The following ABL1 variants were observed in gnomAD, a reference collection of about 807,000 sequenced individuals.
The protein encoded by ABL1 is ABL proto-oncogene 1, non-receptor tyrosine kinase.
In ABL1, 11 loss-of-function variants were observed where a neutral mutation model predicts 94.7. The ratio of observed to expected loss-of-function variants is 0.12; its 90% confidence interval spans 0.07 to 0.19. The LOEUF (loss-of-function observed/expected upper bound fraction) is 0.19. ABL1 is among the 10% of genes least tolerant of loss of function. ABL1 has a pLI of 1.00. For synonymous variants in ABL1, 656 were observed against 622.4 expected (o/e 1.05, Z -0.80); for missense variants, 1,082 against 1,489.4 (o/e 0.73, Z 4.50).
At position 130,862,973 on chromosome 9, in the gene ABL1, G is replaced by A. The variant is rs1831099962; in HGVS notation, c.760G>A (p.Gly254Arg). The A allele has an allele frequency of 6.2e-7, 1 of 1,614,180 alleles. No individual in the cohort carries two copies. Among genetic ancestry groups the A allele is most frequent in the Non-Finnish European group, 8.5e-7 (1 of 1,180,024 alleles). ...MKHKLGGGQY[G>R]EVYEGVWKKY... is the part of the protein sequence containing the mutation. The stretch of plus-strand genomic sequence containing the variant: ...GCACAAGCTGGGCGGGGGCCAGTAC[G>A]GGGAGGTGTACGAGGGCGTGTGGAA... The change falls in exon 4 of 11, where the codon GGG (glycine) becomes AGG (arginine). Residue 254 changes from glycine to arginine, a missense_variant. Gly to Arg is a moderately radical substitution (Grantham distance 125). This residue lies in a region of ABL1 where 92 missense variants were observed against 212.3 expected (regional missense o/e 0.43). Transcript: ENST00000318560. This position sits in a 1 kb window ranked among gnomAD's most constrained non-coding sequence, Gnocchi z 5.5.
At chr9:130,776,041 C>T (rs78171958) in intron 1 of ABL1, among the ~76,000 whole-genome samples, 5 of 152,218 alleles carry the variant, frequency 3.3e-5, no homozygotes, top group South Asian at 2.1e-4. Context: ...GTCTCCAGCA[C>T]GGTCTCACAA....
intron 1 of ABL1, among the ~76,000 whole-genome samples, chr9:130,758,326 A>G (rs1832067906): frequency 1.3e-5 from 2 of 151,236 alleles, no homozygotes; most frequent in Admixed American, 1.3e-4. Flanking sequence ...ACGTCTGGCT[A>G]ATTTTTGTAT....
intron 1 of ABL1, among the ~76,000 whole-genome samples, chr9:130,780,352 G>T (rs1829740292): frequency 6.6e-6 from 1 of 152,116 alleles, no homozygotes; most frequent in African/African-American, 2.4e-5. Flanking sequence ...TTTTCCTCTG[G>T]CTTTTGGCTG....
rs1831265375 is a variant in ABL1, at chr9:130,872,313, T to C, written c.907+100T>C. On this transcript the variant is annotated intron_variant, in intron 5 of 10. Transcript: ENST00000318560. The surrounding 1 kb of genome is among the most constrained non-coding windows in gnomAD (Gnocchi z 5.0). ...CACGGGCGGCTCACTGCACAAAACC[T>C]CGTTGGAATATTTGTGCTCTGCCGA... 2.7e-6 allele frequency: 3 copies of C among 1,097,816 alleles called. No homozygotes were observed. The highest frequency in any genetic ancestry group is 4.0e-6 in the Non-Finnish European group (3 of 750,768). The allele number at this position is 1,097,816 out of a possible 1,614,324, so 68.0% of individuals were successfully genotyped here.
chr9:130,750,422 TCCCTCCCTCCCTCCCTC>T (rs1564278791), intron 1 of ABL1, among the ~76,000 whole-genome samples: 25,637 of 76,904 alleles, frequency 0.33, 4,210 homozygotes, highest in Middle Eastern at 0.51. Context: ...CCTCCCTCCC[TCCCTCCCTCCCTCCCTC>T]CCTCCCTCCT....
intron 1 of ABL1, among the ~76,000 whole-genome samples, chr9:130,717,370 C>G (rs1342874503): frequency 1.3e-5 from 2 of 151,880 alleles, no homozygotes; most frequent in Non-Finnish European, 1.5e-5. Context: ...ATGATCAATG[C>G]ATGATATAAA....
intron 1 of ABL1, among the ~76,000 whole-genome samples, chr9:130,735,983 T>G: frequency 1.5e-5 from 2 of 135,818 alleles, no homozygotes; most frequent in Admixed American, 7.8e-5. Context: ...TAAGACAGGG[T>G]CTGGCTCTGT....
chr9:130,750,213 A>ATC (rs2132726048), intron 1 of ABL1, among the ~76,000 whole-genome samples: 1 of 123,430 alleles, frequency 8.1e-6, no homozygotes, highest in South Asian at 2.5e-4. Context: ...ATATATATAT[A>ATC]TATATATATA....
At position 130,835,424 on chromosome 9, in the gene ABL1, C is replaced by A; in HGVS notation, c.-23C>A. ...ACCGAGCTGGGAGAGGGGTTCCGGCCCCCGACGTGCTGGCGCGGGAAAATG... is the reference window on the plus strand; with the variant it reads ...ACCGAGCTGGGAGAGGGGTTCCGGCACCCGACGTGCTGGCGCGGGAAAATG... On this transcript the variant is annotated 5_prime_UTR_variant, in exon 1 of 11. Transcript: ENST00000318560. This position sits in a 1 kb window ranked among gnomAD's most constrained non-coding sequence, Gnocchi z 4.6. The A allele has an allele frequency of 7.4e-7, 1 of 1,358,554 alleles. No individual in the cohort carries two copies. Among genetic ancestry groups the A allele is most frequent in the African/African-American group, 3.3e-5 (1 of 30,574 alleles). 84.2% of individuals were successfully genotyped at this position (1,358,554 alleles called of 1,614,324 possible). A position where few individuals can be genotyped will look rare whatever the true frequency, so the allele number is the denominator to read the frequency against.
Position 130,812,348 on chromosome 9 carries a change from C to T in ABL1, c.137-41716C>T, listed in dbSNP as rs528932934. Among the ~76,000 whole-genome samples the T allele has an allele frequency of 1.2e-3, 188 of 150,942 alleles. 2 individuals carry two copies. The highest frequency in any genetic ancestry group is 4.5e-3 in the African/African-American group (183 of 41,112). On this transcript the variant is annotated intron_variant, in intron 1 of 10. Coordinates refer to the ABL1 transcript ENST00000372348. ...TGCACTCCTCCAGCCTGGGTGACAG[C>T]GAGATTCCATCTTAAAAAAAAAAAA...
intron 1 of ABL1, among the ~76,000 whole-genome samples, chr9:130,747,186 G>A (rs1831898647): frequency 6.6e-6 from 1 of 152,066 alleles, no homozygotes; most frequent in African/African-American, 2.4e-5. Flanking sequence ...ACCAGCCTGG[G>A]CAACATGGTG....
At chr9:130,797,302 G>C (rs563959921) in intron 1 of ABL1, among the ~76,000 whole-genome samples, 110 of 141,444 alleles carry the variant, frequency 7.8e-4, no homozygotes, top group African/African-American at 2.6e-3. Flanking sequence ...ATATTCTATC[G>C]TAAGATTTAT....
intron 1 of ABL1, among the ~76,000 whole-genome samples, chr9:130,733,220 G>A (rs1023610961): frequency 7.9e-5 from 12 of 152,116 alleles, no homozygotes; most frequent in Admixed American, 2.0e-4. Context: ...GAGTTTTGGC[G>A]TGTTCACTTT....
chr9:130,840,397 C>T (rs895604191), intron 1 of ABL1, among the ~76,000 whole-genome samples: 7 of 152,180 alleles, frequency 4.6e-5, no homozygotes. Context: ...GACAATATTT[C>T]CACAGCCTCA....
intron 1 of ABL1, among the ~76,000 whole-genome samples, chr9:130,744,861 A>T (rs1348430489): frequency 2.6e-5 from 4 of 151,158 alleles, no homozygotes; most frequent in Admixed American, 6.6e-5. Context: ...CGTCTCAAAA[A>T]AAAAAAAAAA....
intron 1 of ABL1, among the ~76,000 whole-genome samples, chr9:130,812,611 TAAAG>T (rs1308942789): frequency 2.0e-5 from 3 of 152,182 alleles, no homozygotes; most frequent in Admixed American, 2.0e-4. Context: ...TTCATAATAA[TAAAG>T]AGATACATTC....
At chr9:130,873,089 G>A (rs771276879) in intron 6 of ABL1, 52 bp downstream of exon 6, 10 of 1,564,086 alleles carry the variant, frequency 6.4e-6, no homozygotes, top group Admixed American at 5.6e-5. Flanking sequence ...GCGTGGAGCC[G>A]GGCAGCCTTT....
At chr9:130,778,851 T>A (rs1414291446) in intron 1 of ABL1, among the ~76,000 whole-genome samples, 1 of 152,070 alleles carries the variant, frequency 6.6e-6, no homozygotes, top group African/African-American at 2.4e-5. Context: ...ATTCCTGTGA[T>A]ATTATGGATT....
At chr9:130,852,005 C>G (rs1203390890) in intron 1 of ABL1, among the ~76,000 whole-genome samples, 3 of 152,008 alleles carry the variant, frequency 2.0e-5, no homozygotes, top group Admixed American at 2.0e-4. Flanking sequence ...TCTCGAACTC[C>G]TGACCTCAGG....
Sources: allele counts gnomAD v4.1 joint callset (sites outside exome capture counted in the v4.1 genomes callset), GRCh38; gene constraint gnomAD v4.1.1; regional missense constraint gnomAD v4.1.1; non-coding constraint Gnocchi (gnomAD v3.1); transcripts MANE v1.5; gene names NCBI Gene and HGNC (gene_info 2026-07-23, HGNC 2026-07-21).